The following GABPB2 variants were observed in gnomAD, a reference collection of about 807,000 sequenced individuals.
The protein encoded by GABPB2 is GA binding protein transcription factor subunit beta 2.
Under a neutral mutation model 39.1 loss-of-function variants are expected in GABPB2, and 23 were observed. The ratio of observed to expected loss-of-function variants is 0.59; its 90% CI spans 0.42 to 0.83. The LOEUF is 0.83. Ranked by LOEUF, GABPB2 falls within the 40% of genes least tolerant of loss-of-function variation. GABPB2 has a pLI of 0.00. For synonymous variants in GABPB2, 184 were observed against 199.3 expected, an observed-to-expected ratio of 0.92 and a Z score of 0.65; for missense variants, 467 against 541.1, an observed-to-expected ratio of 0.86 and a Z score of 1.36.
chr1:151,098,003 G>A lies in GABPB2; in HGVS notation c.622+1G>A. ...TCAACCAACACCAAAACAACCTCAG[G>A]TAATGTTCTGATAACATGAAATTTA... On this transcript the variant is annotated splice_donor_variant, in intron 5 of 8. Coordinates refer to ENST00000368918, the MANE Select transcript of GABPB2 (RefSeq NM_144618.3). LOFTEE classifies it high-confidence loss of function. 6.2e-7 allele frequency: 1 copy of A among 1,613,668 alleles called. No homozygotes were observed.
intron 1 of GABPB2, among the ~76,000 whole-genome samples, chr1:151,071,738 CTGGGAT>C (rs1433365267): frequency 3.3e-5 from 5 of 152,132 alleles, no homozygotes; most frequent in Non-Finnish European, 7.4e-5. Context: ...TTCCAAAGTG[CTGGGAT>C]TGCAGGCGTG....
In GABPB2 at chr1:151,084,824, G is replaced by A. The variant is rs894968164; in HGVS notation, c.1-3366G>A. Among the ~76,000 whole-genome samples, 13 of 151,770 alleles carry A rather than the reference G, an allele frequency of 8.6e-5. 1 individual carries two copies. The highest frequency in any genetic ancestry group is 2.0e-4 in the Admixed American group (3 of 15,202). ...GTTGGGATTACAGGTGTGAGCCACCGCGCCCAGCCAGCTGTTCATTTTTAA... is the reference window on the plus strand; with the variant it reads ...GTTGGGATTACAGGTGTGAGCCACCACGCCCAGCCAGCTGTTCATTTTTAA... On this transcript the variant is annotated intron_variant, in intron 1 of 8. Coordinates refer to ENST00000368918, the MANE Select transcript of GABPB2 (RefSeq NM_144618.3).
chr1:151,106,815 C>T (rs114249661), intron 6 of GABPB2, among the ~76,000 whole-genome samples: 1 of 152,090 alleles, frequency 6.6e-6, no homozygotes, highest in South Asian at 2.1e-4. Context: ...GTTATTAATA[C>T]CTCAGTGAAC....
chr1:151,116,104 A>G (rs77224907), intron 7 of GABPB2, among the ~76,000 whole-genome samples: 4,810 of 151,680 alleles, frequency 0.032, 259 homozygotes, highest in African/African-American at 0.11. Flanking sequence ...CTTCTCGATA[A>G]AAAAAGGCCG....
intron 4 of GABPB2, among the ~76,000 whole-genome samples, chr1:151,096,295 G>A (rs368619975): frequency 9.9e-5 from 15 of 151,996 alleles, no homozygotes; most frequent in African/African-American, 2.4e-4. Context: ...GCATGGCAGC[G>A]TGCGCCTATA....
At chr1:151,085,676 TCTC>T (rs1678121543) in intron 1 of GABPB2, among the ~76,000 whole-genome samples, 1 of 152,024 alleles carries the variant, frequency 6.6e-6, no homozygotes, top group African/African-American at 2.4e-5. Flanking sequence ...ATGGTCTTGA[TCTC>T]CTGACCTCGT....
intron 7 of GABPB2, chr1:151,111,864 G>A (rs1406090141): frequency 6.7e-6 from 1 of 149,990 alleles, no homozygotes; most frequent in Non-Finnish European, 1.5e-5. Flanking sequence ...AGCTAACATG[G>A]TTTTTAATTG....
At chr1:151,092,954 CTT>C (rs1678833643) in intron 3 of GABPB2, among the ~76,000 whole-genome samples, 1 of 152,094 alleles carries the variant, frequency 6.6e-6, no homozygotes, top group South Asian at 2.1e-4. Context: ...TTCTTTCTCT[CTT>C]TGTCTTCCAT....
chr1:151,094,434 T>C (rs1319257892), intron 4 of GABPB2, among the ~76,000 whole-genome samples: 1 of 144,290 alleles, frequency 6.9e-6, no homozygotes, highest in Admixed American at 7.1e-5. Flanking sequence ...CGATCTCGGC[T>C]CACTGCTTGG....
chr1:151,085,440 ATTTAT>A (rs1045015836), intron 1 of GABPB2, among the ~76,000 whole-genome samples: 1 of 152,004 alleles, frequency 6.6e-6, no homozygotes, highest in Non-Finnish European at 1.5e-5. Flanking sequence ...AAAAGCAGTT[ATTTAT>A]TTTATTTTTT....
intron 1 of GABPB2, among the ~76,000 whole-genome samples, chr1:151,083,184 A>G (rs1677869004): frequency 3.3e-5 from 5 of 152,162 alleles, no homozygotes; most frequent in Admixed American, 3.3e-4. Context: ...GATGCATTTT[A>G]TTATACAATG....
intron 7 of GABPB2, among the ~76,000 whole-genome samples, chr1:151,116,461 T>G (rs1471107894): frequency 6.6e-6 from 1 of 151,246 alleles, no homozygotes; most frequent in African/African-American, 2.4e-5. Flanking sequence ...GTCATGTGTG[T>G]TGTGTGTGTG....
chr1:151,098,812 G>A (rs903703604), intron 5 of GABPB2, among the ~76,000 whole-genome samples: 1 of 152,012 alleles, frequency 6.6e-6, no homozygotes, highest in Admixed American at 6.6e-5. Context: ...GACTTGGCGC[G>A]GTGCCTCACG....
At chr1:151,080,880 G>T (rs1403020336) in intron 1 of GABPB2, among the ~76,000 whole-genome samples, 1 of 138,068 alleles carries the variant, frequency 7.2e-6, no homozygotes, top group African/African-American at 2.6e-5. Context: ...AAAAAGAAAG[G>T]TTTTTTTTTT....
At chr1:151,115,306 C>A (rs1019038104) in intron 7 of GABPB2, among the ~76,000 whole-genome samples, 2 of 151,662 alleles carry the variant, frequency 1.3e-5, no homozygotes, top group African/African-American at 4.8e-5. Flanking sequence ...TGCGGTGAGC[C>A]GAGATCGCGC....
chr1:151,092,392 A>C (rs1038944883), intron 3 of GABPB2, among the ~76,000 whole-genome samples: 3 of 151,392 alleles, frequency 2.0e-5, no homozygotes, highest in South Asian at 4.2e-4. Flanking sequence ...GGCGTGAGCC[A>C]CCGCACCCAG....
chr1:151,107,059 A>G lies in GABPB2; in HGVS notation c.759A>G (p.Glu253=). ...TAGCCAATACAGAGGAAATTATAGA[A>G]GGAAATTCCGTTGACTCATCAATCC... The part of the protein sequence containing the change: ...RATANTEEII[E]GNSVDSSIQQ... Residue 253 remains glutamate (E), a synonymous_variant, in exon 7 of 9, where the codon GAA becomes GAG. Transcript: ENST00000368918. 1.9e-6 allele frequency: 3 copies of G among 1,605,678 alleles called. No individual in the cohort carries two copies. Among genetic ancestry groups the G allele is most frequent in the Non-Finnish European group, 2.5e-6 (3 of 1,177,398 alleles).
rs777292015 is a variant in GABPB2, at chr1:151,105,964, A to AT, written c.737-1059dup. The stretch of plus-strand genomic sequence containing the variant: ...CTACTGTAATTTATGGTTATTTTAG[A>AT]TTTTTTTTTTTTTTGAGATGGAATC... On this transcript the variant is annotated intron_variant, in intron 6 of 8. Transcript: ENST00000368918. 1.2e-3 allele frequency among the ~76,000 whole-genome samples: 176 copies of AT among 143,508 alleles called. 1 individual carries two copies. The highest frequency in any genetic ancestry group is 7.5e-3 in the Middle Eastern group (2 of 266). 94.1% of individuals were successfully genotyped at this position (143,508 alleles called of 152,430 possible).
Position 151,119,567 on chromosome 1 carries a change from G to T in GABPB2, c.*1311G>T, listed in dbSNP as rs1026545182. On this transcript the variant is annotated 3_prime_UTR_variant, in exon 9 of 9. Coordinates refer to ENST00000368918, the MANE Select transcript of GABPB2 (RefSeq NM_144618.3). The stretch of plus-strand genomic sequence containing the variant: ...ATCCTGGCCAACATGGTGACACCCC[G>T]TCTCTACTAAAAATACAAAAATTAC... The T allele has an allele frequency of 2.0e-5, 3 of 152,176 alleles. No homozygotes were observed. The highest frequency in any genetic ancestry group is 4.4e-5 in the Non-Finnish European group (3 of 68,088). 9.4% of individuals were successfully genotyped at this position (152,176 alleles called of 1,614,324 possible).
Sources: gnomAD v4.1 joint callset for allele counts (sites outside exome capture counted in the v4.1 genomes callset) on GRCh38, gnomAD v4.1.1 for gene constraint, MANE v1.5 for transcripts, NCBI Gene and HGNC (gene_info 2026-07-23, HGNC 2026-07-21) for gene names.